The following ROBO1 variants were observed in gnomAD, a reference collection of about 807,000 sequenced individuals.
The protein encoded by ROBO1 is roundabout guidance receptor 1.
A neutral mutation model predicts 195.9 loss-of-function variants in ROBO1; 149 were observed. The ratio of observed to expected loss-of-function variants is 0.76; its 90% CI spans 0.67 to 0.87. ROBO1 has a LOEUF of 0.87. ROBO1 is among the 40% of genes least tolerant of loss of function. ROBO1 has a pLI of 0.00. For missense variants in ROBO1, 1,933 were observed against 2,068.3 expected, an observed-to-expected ratio of 0.93 and a Z score of 1.27; for synonymous variants, 816 against 733.2, an observed-to-expected ratio of 1.11 and a Z score of -1.82.
chr3:79,756,278 G>A (rs1704389592), intron 1 of ROBO1, among the ~76,000 whole-genome samples: 1 of 152,030 alleles, frequency 6.6e-6, no homozygotes, highest in African/African-American at 2.4e-5. Flanking sequence ...TGGGCTGGGT[G>A]CGGTGGCTCA....
At chr3:79,102,853 T>G (rs186471656) in intron 3 of ROBO1, among the ~76,000 whole-genome samples, 17 of 151,982 alleles carry the variant, frequency 1.1e-4, no homozygotes, top group Non-Finnish European at 2.1e-4. Flanking sequence ...TTTTTAGATT[T>G]TCTTTCAAGG....
At chr3:79,719,388 TATA>T (rs936204689) in intron 1 of ROBO1, among the ~76,000 whole-genome samples, 1 of 152,124 alleles carries the variant, frequency 6.6e-6, no homozygotes, top group African/African-American at 2.4e-5. Flanking sequence ...CTGAACCATA[TATA>T]ATTATTCTGA....
At position 78,890,495 on chromosome 3, in the gene ROBO1, C is replaced by T. The variant is rs561885018; in HGVS notation, c.499+48106G>A. Among the ~76,000 whole-genome samples, 45 of 152,204 alleles carry T rather than the reference C, an allele frequency of 3.0e-4. No individual in the cohort carries two copies. In the South Asian group the frequency reaches 4.4e-3, roughly 15 times the overall value. Reference sequence around the variant, plus strand: ...AGACTTCAGAACCTTGAGAAGTAAACGTTGGTTGTTTAAGCTGCCCAGTCT... The same window carrying T: ...AGACTTCAGAACCTTGAGAAGTAAATGTTGGTTGTTTAAGCTGCCCAGTCT... On this transcript the variant is annotated intron_variant, in intron 4 of 30. Coordinates refer to ENST00000464233, the MANE Select transcript of ROBO1 (RefSeq NM_002941.4).
At chr3:78,760,112 GC>G (rs1190935378) in intron 4 of ROBO1, among the ~76,000 whole-genome samples, 1 of 152,016 alleles carries the variant, frequency 6.6e-6, no homozygotes, top group African/African-American at 2.4e-5. Flanking sequence ...GAAACCTCTT[GC>G]GCTTGGCTCT....
intron 2 of ROBO1, among the ~76,000 whole-genome samples, chr3:79,141,183 T>C (rs1174445239): frequency 1.3e-5 from 2 of 152,092 alleles, no homozygotes; most frequent in Non-Finnish European, 2.9e-5. Context: ...CTGAAGCATC[T>C]GCAGTTTGGG....
At chr3:79,481,010 T>C (rs572460682) in intron 2 of ROBO1, among the ~76,000 whole-genome samples, 1 of 152,272 alleles carries the variant, frequency 6.6e-6, no homozygotes, top group South Asian at 2.1e-4. Context: ...TAACTAATTT[T>C]ACTTGCCAGA....
intron 2 of ROBO1, among the ~76,000 whole-genome samples, chr3:79,162,539 G>A (rs188086898): frequency 2.4e-4 from 37 of 152,158 alleles, no homozygotes; most frequent in Admixed American, 7.9e-4. Context: ...TGCATCAAAC[G>A]TTAGCCAATC....
chr3:78,890,857 G>T (rs1266488751), intron 4 of ROBO1, among the ~76,000 whole-genome samples: 2 of 151,964 alleles, frequency 1.3e-5, no homozygotes, highest in Non-Finnish European at 2.9e-5. Context: ...GACCTCCTAG[G>T]CTCAAGTGAT....
At chr3:78,722,229 A>G (rs2082061260) in intron 5 of ROBO1, among the ~76,000 whole-genome samples, 1 of 152,170 alleles carries the variant, frequency 6.6e-6, no homozygotes, top group Admixed American at 6.5e-5. Context: ...TTTATTTTAC[A>G]GCCATCTTTT....
intron 4 of ROBO1, among the ~76,000 whole-genome samples, chr3:78,751,231 C>T (rs2082786844): frequency 6.6e-6 from 1 of 151,860 alleles, no homozygotes; most frequent in African/African-American, 2.4e-5. Flanking sequence ...GTGATCTGCA[C>T]TTTTTTGTTT....
chr3:79,349,787 C>T (rs976342383), intron 2 of ROBO1, among the ~76,000 whole-genome samples: 3 of 152,132 alleles, frequency 2.0e-5, no homozygotes, highest in African/African-American at 7.2e-5. Flanking sequence ...TCTTGTTTCA[C>T]ACCGTGTACA....
chr3:79,477,580 G>A (rs1479679827), intron 2 of ROBO1, among the ~76,000 whole-genome samples: 1 of 152,088 alleles, frequency 6.6e-6, no homozygotes, highest in Non-Finnish European at 1.5e-5. Flanking sequence ...ACAACAAGTG[G>A]GAAAGTGCAC....
At chr3:78,843,272 G>A (rs900205485) in intron 4 of ROBO1, among the ~76,000 whole-genome samples, 1 of 151,942 alleles carries the variant, frequency 6.6e-6, no homozygotes, top group Admixed American at 6.6e-5. Flanking sequence ...TAAATAATCT[G>A]GTTTTCAGAC....
In ROBO1 at chr3:78,876,209, T is replaced by C. The variant is rs550962859; in HGVS notation, c.499+62392A>G. Among the ~76,000 whole-genome samples the C allele has an allele frequency of 5.9e-5, 9 of 152,240 alleles. No homozygotes were observed. The South Asian group carries it at 1.7e-3, about 28-fold the overall frequency. ...AAAAGTATCAAGTTGCATAGTAACA[T>C]ATGCAAAATTTTCAAAAGAAAGATA... On this transcript the variant is annotated intron_variant, in intron 4 of 30. Coordinates refer to ENST00000464233, the MANE Select transcript of ROBO1 (RefSeq NM_002941.4).
intron 1 of ROBO1, among the ~76,000 whole-genome samples, chr3:79,669,587 T>C (rs13069190): frequency 1.1e-4 from 17 of 152,046 alleles, no homozygotes; most frequent in Non-Finnish European, 2.2e-4. Context: ...AGGGATGTAG[T>C]AGACTTTACT....
At chr3:78,797,172 C>A (rs951703254) in intron 4 of ROBO1, among the ~76,000 whole-genome samples, 1 of 152,086 alleles carries the variant, frequency 6.6e-6, no homozygotes, top group Non-Finnish European at 1.5e-5. Flanking sequence ...TATAACTAGC[C>A]ATCGTACCTG....
At chr3:79,115,348 A>G (rs1455357705) in intron 3 of ROBO1, among the ~76,000 whole-genome samples, 1 of 152,154 alleles carries the variant, frequency 6.6e-6, no homozygotes, top group African/African-American at 2.4e-5. Context: ...AGTCTGGGTA[A>G]GAGATACGAG....
intron 1 of ROBO1, among the ~76,000 whole-genome samples, chr3:79,690,280 A>C (rs1418518359): frequency 1.3e-5 from 2 of 151,964 alleles, no homozygotes; most frequent in African/African-American, 4.8e-5. Flanking sequence ...AGATGGGCCT[A>C]ATCTAATCAC....
intron 1 of ROBO1, among the ~76,000 whole-genome samples, chr3:79,726,814 A>C (rs1702945996): frequency 6.6e-6 from 1 of 152,198 alleles, no homozygotes; most frequent in Admixed American, 6.5e-5. Flanking sequence ...AGTAAAATCC[A>C]AACAGAGGAT....
Sources: allele counts gnomAD v4.1 joint callset (sites outside exome capture counted in the v4.1 genomes callset), GRCh38; gene constraint gnomAD v4.1.1; transcripts MANE v1.5; gene names NCBI Gene and HGNC (gene_info 2026-07-23, HGNC 2026-07-21).